Variants in CNTNAP2 observed in about 807,000 individuals in gnomAD.
The protein encoded by CNTNAP2 is contactin associated protein 2.
CNTNAP2 carries 98 observed loss-of-function variants against 155.2 expected under a neutral mutation model. The ratio of observed to expected loss-of-function variants is 0.63; its 90% CI spans 0.54 to 0.75. The LOEUF (loss-of-function observed/expected upper bound fraction) is 0.75. Ranked by LOEUF, CNTNAP2 falls within the 30% of genes least tolerant of loss-of-function variation. The probability of loss-of-function intolerance (pLI) is 0.00; values close to 1 mark genes in which losing one functional copy is unlikely to be tolerated. For synonymous variants in CNTNAP2, 651 were observed against 631.2 expected (o/e 1.03, Z -0.47); for missense variants, 1,727 against 1,688.1 (o/e 1.02, Z -0.40).
intron 3 of CNTNAP2, among the ~76,000 whole-genome samples, chr7:146,968,830 A>G (rs1255215463): frequency 4.8e-5 from 7 of 145,818 alleles, no homozygotes; most frequent in Non-Finnish European, 1.1e-4. Context: ...CTCTGATTTT[A>G]GTTATTTCTT....
chr7:147,145,038 TATGAC>T (rs1801673728), intron 8 of CNTNAP2, among the ~76,000 whole-genome samples: 1 of 152,242 alleles, frequency 6.6e-6, no homozygotes, highest in Admixed American at 6.5e-5. Context: ...AGTAAGATGA[TATGAC>T]ATTAGACAAG....
intron 13 of CNTNAP2, among the ~76,000 whole-genome samples, chr7:147,722,141 C>T (rs1458363712): frequency 1.3e-5 from 2 of 152,206 alleles, no homozygotes; most frequent in East Asian, 1.9e-4. Context: ...TCAGCGTGCC[C>T]TTTCCTCATG....
chr7:146,324,997 C>A (rs1485648433), intron 1 of CNTNAP2, among the ~76,000 whole-genome samples: 3 of 152,018 alleles, frequency 2.0e-5, no homozygotes, highest in Non-Finnish European at 4.4e-5. Flanking sequence ...TGCAGTGGCA[C>A]AGCAATGGCT....
chr7:146,848,792 A>T (rs983689698), intron 3 of CNTNAP2, among the ~76,000 whole-genome samples: 7 of 152,318 alleles, frequency 4.6e-5, no homozygotes, highest in Admixed American at 1.3e-4. Context: ...ATTTATTTAG[A>T]GACAGAATCT....
chr7:147,016,363 G>A (rs1489717607), intron 3 of CNTNAP2, among the ~76,000 whole-genome samples: 1 of 151,894 alleles, frequency 6.6e-6, no homozygotes, highest in Non-Finnish European at 1.5e-5. Flanking sequence ...AGAATTACAT[G>A]GATTTAAGGA....
At chr7:147,211,864 C>T (rs957031529) in intron 8 of CNTNAP2, among the ~76,000 whole-genome samples, 1 of 151,894 alleles carries the variant, frequency 6.6e-6, no homozygotes, top group Non-Finnish European at 1.5e-5. Flanking sequence ...AAAGTAAACA[C>T]AACCTACAAA....
chr7:146,922,378 C>T (rs959542834), intron 3 of CNTNAP2, among the ~76,000 whole-genome samples: 32 of 151,952 alleles, frequency 2.1e-4, no homozygotes, highest in Admixed American at 7.2e-4. Flanking sequence ...CTAAGCCTTT[C>T]CAGTTAATTG....
chr7:146,279,350 G>A (rs1800212682), intron 1 of CNTNAP2, among the ~76,000 whole-genome samples: 1 of 151,754 alleles, frequency 6.6e-6, no homozygotes, highest in African/African-American at 2.4e-5. Context: ...TAATATAAAT[G>A]TTTAGAAGCT....
chr7:147,510,199 G>T (rs772934674), intron 11 of CNTNAP2, among the ~76,000 whole-genome samples: 1 of 152,092 alleles, frequency 6.6e-6, no homozygotes, highest in Non-Finnish European at 1.5e-5. Context: ...GGGGTTCTGC[G>T]TATTCTAATT....
chr7:146,222,719 G>C (rs770316372), intron 1 of CNTNAP2, among the ~76,000 whole-genome samples: 2 of 149,454 alleles, frequency 1.3e-5, no homozygotes, highest in Non-Finnish European at 3.0e-5. Context: ...GCAGTGGTGT[G>C]ATCTCAGCTC....
chr7:147,871,788 G>A (rs1441402294), intron 13 of CNTNAP2, among the ~76,000 whole-genome samples: 6 of 151,634 alleles, frequency 4.0e-5, no homozygotes, highest in Admixed American at 2.6e-4. Flanking sequence ...AGTCGTGGCC[G>A]AATAGTTCGG....
Position 147,344,102 on chromosome 7 carries a change from C to T in CNTNAP2, c.1498+43812C>T, listed in dbSNP as rs115664693. On this transcript the variant is annotated intron_variant, in intron 9 of 23. Coordinates refer to ENST00000361727, the MANE Select transcript of CNTNAP2 (RefSeq NM_014141.6). ...AAAAGATACCATAGCTAAAAAATGTCAGAGATGAGACTGAGTCCCAAGACT... is the reference window on the plus strand; with the variant it reads ...AAAAGATACCATAGCTAAAAAATGTTAGAGATGAGACTGAGTCCCAAGACT... Among the ~76,000 whole-genome samples, 709 of 152,214 alleles carry T rather than the reference C, an allele frequency of 4.7e-3. 11 individuals are homozygous for T. The highest frequency in any genetic ancestry group is 0.016 in the African/African-American group (670 of 41,546).
intron 8 of CNTNAP2, among the ~76,000 whole-genome samples, chr7:147,285,547 T>C (rs2116734643): frequency 6.6e-6 from 1 of 152,182 alleles, no homozygotes; most frequent in Middle Eastern, 3.4e-3. Context: ...ATTAACCTTG[T>C]CTAAATTGTC....
intron 22 of CNTNAP2, among the ~76,000 whole-genome samples, chr7:148,400,042 A>G (rs2530316): frequency 0.99 from 151,083 of 152,314 alleles, 74,946 homozygotes; most frequent in East Asian, 1. Context: ...ATTTTTACCA[A>G]AGCTCAGGGC....
intron 1 of CNTNAP2, among the ~76,000 whole-genome samples, chr7:146,513,226 A>C (rs1563114415): frequency 6.6e-6 from 1 of 151,898 alleles, no homozygotes; most frequent in Non-Finnish European, 1.5e-5. Flanking sequence ...ATAGTTATAT[A>C]ATTGGATCTT....
intron 1 of CNTNAP2, among the ~76,000 whole-genome samples, chr7:146,687,014 C>T (rs1800612461): frequency 6.6e-6 from 1 of 152,086 alleles, no homozygotes. Context: ...AGTTTATATG[C>T]CTAACTAGCA....
At chr7:148,367,405 AAT>A (rs1347594498) in intron 21 of CNTNAP2, among the ~76,000 whole-genome samples, 2 of 152,162 alleles carry the variant, frequency 1.3e-5, no homozygotes, top group Non-Finnish European at 2.9e-5. Context: ...TCTAATATAT[AAT>A]ATGTTAATAC....
chr7:146,701,810 A>AAGTCTTTCAGCATAAAAGAGAC (rs1800882744), intron 1 of CNTNAP2, among the ~76,000 whole-genome samples: 1 of 152,148 alleles, frequency 6.6e-6, no homozygotes, highest in African/African-American at 2.4e-5. Flanking sequence ...TCTTACCAAG[A>AAGTCTTTCAGCATAAAAGAGAC]AGTCTTTCAG....
rs182988565 is a variant in CNTNAP2, at chr7:147,628,782, G to C, written c.1898-10324G>C. Among the ~76,000 whole-genome samples the C allele has an allele frequency of 3.0e-4, 42 of 140,768 alleles. 2 individuals carry two copies. The highest frequency in any genetic ancestry group is 9.5e-4 in the Admixed American group (13 of 13,672). 92.3% of individuals were successfully genotyped at this position (140,768 alleles called of 152,430 possible). A position where few individuals can be genotyped will look rare whatever the true frequency, so the allele number is the denominator to read the frequency against. ...AACTTAAGGTAAAGGGGTGGAAAAA[G>C]ATATTCCATGCAAATGGAAACCAAA... On this transcript the variant is annotated intron_variant, in intron 12 of 23. Transcript: ENST00000361727.
Sources: gnomAD v4.1 joint callset for allele counts (sites outside exome capture counted in the v4.1 genomes callset) on GRCh38, gnomAD v4.1.1 for gene constraint, MANE v1.5 for transcripts, NCBI Gene and HGNC (gene_info 2026-07-23, HGNC 2026-07-21) for gene names.